RAB3GAP1: variants seen among roughly 807,000 people sequenced by gnomAD.
RAB3GAP1 encodes the protein RAB3 GTPase activating protein catalytic subunit 1.
RAB3GAP1 carries 86 observed loss-of-function variants against 130.7 expected under a neutral mutation model. The ratio of observed to expected loss-of-function variants is 0.66; its 90% CI spans 0.55 to 0.79. The LOEUF is 0.79. RAB3GAP1 is among the 30% of genes least tolerant of loss of function. The probability of loss-of-function intolerance (pLI) is 0.00; values close to 1 mark genes in which losing one functional copy is unlikely to be tolerated. For synonymous variants in RAB3GAP1, 367 were observed against 401.7 expected, an observed-to-expected ratio of 0.91 and a Z score of 1.03; for missense variants, 1,029 against 1,169.4, an observed-to-expected ratio of 0.88 and a Z score of 1.75.
chr2:135,089,216 T>C (rs1411806810), intron 3 of RAB3GAP1, among the ~76,000 whole-genome samples: 1 of 152,082 alleles, frequency 6.6e-6, no homozygotes, highest in Non-Finnish European at 1.5e-5. Flanking sequence ...TGTCGTGTTA[T>C]TTCTGACGCC....
chr2:135,115,728 T>C (rs560298666), intron 7 of RAB3GAP1, among the ~76,000 whole-genome samples: 1 of 152,328 alleles, frequency 6.6e-6, no homozygotes, highest in East Asian at 1.9e-4. Flanking sequence ...TTTGAGCATT[T>C]GAAGCATTTG....
chr2:135,056,450 C>T (rs989623069), intron 2 of RAB3GAP1, among the ~76,000 whole-genome samples: 3 of 152,064 alleles, frequency 2.0e-5, no homozygotes, highest in South Asian at 4.1e-4. Flanking sequence ...GTGATCCACC[C>T]GCCTCAGCTC....
intron 6 of RAB3GAP1, among the ~76,000 whole-genome samples, chr2:135,114,843 C>T (rs1166739466): frequency 6.6e-6 from 1 of 152,150 alleles, no homozygotes; most frequent in East Asian, 1.9e-4. Context: ...AAATATTTCA[C>T]CACAATATTG....
At chr2:135,087,050 A>G (rs1690006902) in intron 3 of RAB3GAP1, among the ~76,000 whole-genome samples, 2 of 152,190 alleles carry the variant, frequency 1.3e-5, no homozygotes, top group Non-Finnish European at 1.5e-5. Context: ...TTTTATTGTT[A>G]GTGCTTTTTG....
chr2:135,163,189 C>T, intron 22 of RAB3GAP1, 88 bp downstream of exon 22: 5 of 862,778 alleles, frequency 5.8e-6, no homozygotes, highest in Non-Finnish European at 9.9e-6. Flanking sequence ...TATTAAGACT[C>T]TTTTGTGGTA....
At chr2:135,102,239 A>G (rs1558775945) in intron 5 of RAB3GAP1, among the ~76,000 whole-genome samples, 1 of 152,208 alleles carries the variant, frequency 6.6e-6, no homozygotes. Flanking sequence ...GGTCCCAGTA[A>G]TGTAGGTTTT....
chr2:135,150,854 G>A (rs1692153142), intron 18 of RAB3GAP1, among the ~76,000 whole-genome samples: 1 of 151,616 alleles, frequency 6.6e-6, no homozygotes, highest in South Asian at 2.1e-4. Context: ...ATGAACTTTT[G>A]AGTGCCTATT....
At chr2:135,081,382 ATATATATATGTATATATGTGTGTG>A (rs1689816159) in intron 3 of RAB3GAP1, among the ~76,000 whole-genome samples, 1 of 125,904 alleles carries the variant, frequency 7.9e-6, no homozygotes, top group Non-Finnish European at 1.6e-5. Context: ...GTGTGTGTGT[ATATATATATGTATATATGTGTGTG>A]TATATATATG....
At chr2:135,129,694 G>A (rs1173256028) in intron 11 of RAB3GAP1, among the ~76,000 whole-genome samples, 1 of 151,966 alleles carries the variant, frequency 6.6e-6, no homozygotes, top group Non-Finnish European at 1.5e-5. Context: ...ATGACAAATG[G>A]ATACTGTGTC....
intron 13 of RAB3GAP1, among the ~76,000 whole-genome samples, chr2:135,132,694 G>C (rs1187686776): frequency 6.6e-6 from 1 of 152,088 alleles, no homozygotes; most frequent in Non-Finnish European, 1.5e-5. Context: ...AAATTGGCTA[G>C]TCACTGAAAC....
chr2:135,170,075 C>T lies in RAB3GAP1; in HGVS notation c.*1294C>T, dbSNP rs1271548845. 1 of 184,076 alleles carries T rather than the reference C, an allele frequency of 5.4e-6. No individual in the cohort carries two copies. Among genetic ancestry groups the T allele is most frequent in the Non-Finnish European group, 1.1e-5 (1 of 88,634 alleles). 11.4% of individuals were successfully genotyped at this position (184,076 alleles called of 1,614,324 possible). On this transcript the variant is annotated 3_prime_UTR_variant, in exon 24 of 24. Transcript: ENST00000264158. ...AAGTAGGGGAGGCCCTGGGGGATGA[C>T]CTCCCAGCCTTTATGATGCTTTTCT...
At chr2:135,102,171 T>C (rs999490393) in intron 5 of RAB3GAP1, among the ~76,000 whole-genome samples, 1 of 152,188 alleles carries the variant, frequency 6.6e-6, no homozygotes, top group South Asian at 2.1e-4. Flanking sequence ...CAGGAGTTCT[T>C]AAAAGTGGAA....
In RAB3GAP1 at chr2:135,121,908, C is replaced by T. The variant is rs142749797; in HGVS notation, c.748+990C>T. On this transcript the variant is annotated intron_variant, in intron 8 of 23. Coordinates refer to ENST00000264158, the MANE Select transcript of RAB3GAP1 (RefSeq NM_012233.3). ...GGGAGTTCACGACCAACCTGGCCAACATGGTGAAACCTTGTCTCTACTAAA... is the reference window on the plus strand; with the variant it reads ...GGGAGTTCACGACCAACCTGGCCAATATGGTGAAACCTTGTCTCTACTAAA... 5.6e-3 allele frequency among the ~76,000 whole-genome samples: 857 copies of T among 152,046 alleles called. 7 individuals carry two copies. The highest frequency in any genetic ancestry group is 0.02 in the African/African-American group (815 of 41,380).
At chr2:135,084,363 G>A (rs778687411) in intron 3 of RAB3GAP1, among the ~76,000 whole-genome samples, 5 of 152,258 alleles carry the variant, frequency 3.3e-5, no homozygotes, top group East Asian at 1.9e-4. Flanking sequence ...ATCTTCTCCC[G>A]TTCTCTATAT....
In RAB3GAP1 at chr2:135,052,496, C is replaced by T; in HGVS notation, c.74+11C>T. ...CTCGGAATGGGAAAGGTGAGTGAAT[C>T]GCATTTTTGGTTACCAGCTCCCATG... On this transcript the variant is annotated intron_variant, in intron 2 of 23. Transcript: ENST00000264158. The T allele has an allele frequency of 6.2e-7, 1 of 1,613,242 alleles. No homozygotes were observed. The highest frequency in any genetic ancestry group is 8.5e-7 in the Non-Finnish European group (1 of 1,180,014).
intron 8 of RAB3GAP1, among the ~76,000 whole-genome samples, chr2:135,123,620 T>C (rs1282485826): frequency 6.6e-6 from 1 of 152,146 alleles, no homozygotes; most frequent in Non-Finnish European, 1.5e-5. Context: ...GGGAATGATT[T>C]ACCCTCTAAG....
chr2:135,069,144 C>G (rs1689401311), intron 3 of RAB3GAP1, among the ~76,000 whole-genome samples: 1 of 152,106 alleles, frequency 6.6e-6, no homozygotes, highest in African/African-American at 2.4e-5. Context: ...AACACATTGC[C>G]TGGTATATGC....
At chr2:135,159,575 C>T (rs1227225546) in intron 19 of RAB3GAP1, among the ~76,000 whole-genome samples, 1 of 152,192 alleles carries the variant, frequency 6.6e-6, no homozygotes, top group Non-Finnish European at 1.5e-5. Context: ...AGAAATGTCA[C>T]AGCCAAGGGA....
intron 2 of RAB3GAP1, among the ~76,000 whole-genome samples, chr2:135,055,010 A>G (rs764808849): frequency 3.3e-5 from 5 of 152,246 alleles, no homozygotes; most frequent in African/African-American, 4.8e-5. Flanking sequence ...TTCATTGACA[A>G]TATTTATTGA....
Sources: gnomAD v4.1 joint callset for allele counts (sites outside exome capture counted in the v4.1 genomes callset) on GRCh38, gnomAD v4.1.1 for gene constraint, MANE v1.5 for transcripts, NCBI Gene and HGNC (gene_info 2026-07-23, HGNC 2026-07-21) for gene names.